Variants in BLNK observed in about 807,000 individuals in gnomAD.
BLNK encodes B-cell linker protein.
In BLNK, 29 loss-of-function variants were observed where a neutral mutation model predicts 73.5. The ratio of observed to expected loss-of-function variants is 0.39; its 90% confidence interval spans 0.29 to 0.54. The LOEUF is 0.54. Ranked by LOEUF, BLNK falls within the 20% of genes least tolerant of loss-of-function variation. The probability of loss-of-function intolerance (pLI) is 0.61; values close to 1 mark genes in which losing one functional copy is unlikely to be tolerated. For missense variants in BLNK, 460 were observed against 562.8 expected, an observed-to-expected ratio of 0.82 and a Z score of 1.85; for synonymous variants, 176 against 200.8, an observed-to-expected ratio of 0.88 and a Z score of 1.04.
At position 96,230,932 on chromosome 10, in the gene BLNK, T is replaced by C. The variant is rs1554903877; in HGVS notation, c.164-98A>G. On this transcript the variant is annotated intron_variant, in intron 3 of 16. Coordinates refer to ENST00000224337, the MANE Select transcript of BLNK (RefSeq NM_013314.4). ...ATTTCGCACCTGCCTTCCCTTCCCT[T>C]TGGGCTTTCTGGTGCCATATACTTG... The C allele has an allele frequency of 4.6e-6, 6 of 1,292,960 alleles. No individual in the cohort carries two copies. In the Admixed American group the frequency reaches 7.9e-5, roughly 17 times the overall value. The allele number at this position is 1,292,960 out of a possible 1,614,324, so 80.1% of individuals were successfully genotyped here. A position where few individuals can be genotyped will look rare whatever the true frequency, so the allele number is the denominator to read the frequency against.
intron 5 of BLNK, among the ~76,000 whole-genome samples, chr10:96,224,464 G>A (rs1250535886): frequency 6.6e-6 from 1 of 152,206 alleles, no homozygotes; most frequent in African/African-American, 2.4e-5. Context: ...GATTACTCAC[G>A]TGGATCAACT....
chr10:96,198,789 C>G (rs2083544351), intron 15 of BLNK, among the ~76,000 whole-genome samples: 1 of 152,220 alleles, frequency 6.6e-6, no homozygotes, highest in Non-Finnish European at 1.5e-5. Context: ...ACTTCCGCCT[C>G]CTAGGCCCAA....
chr10:96,245,998 A>G (rs1320518901), intron 2 of BLNK, among the ~76,000 whole-genome samples: 1 of 152,200 alleles, frequency 6.6e-6, no homozygotes, highest in Non-Finnish European at 1.5e-5. Context: ...TTTTATTTAA[A>G]AAATTTAAAG....
At chr10:96,269,490 T>C (rs1844174056) in intron 1 of BLNK, among the ~76,000 whole-genome samples, 1 of 151,816 alleles carries the variant, frequency 6.6e-6, no homozygotes, top group South Asian at 2.1e-4. Flanking sequence ...TTCTTTGCCA[T>C]GTCTTTCTGC....
chr10:96,199,886 TG>T (rs1564813200), intron 15 of BLNK, 188 bp downstream of exon 15: 1 of 316,384 alleles, frequency 3.2e-6, no homozygotes, highest in Non-Finnish European at 5.7e-6. Context: ...TAGCCGGGCT[TG>T]GGGGCACACA....
At chr10:96,199,407 C>A in intron 15 of BLNK, 1 of 372,522 alleles carries the variant, frequency 2.7e-6, no homozygotes, top group Non-Finnish European at 5.5e-6. Context: ...TAATCCTGCA[C>A]ATTGATCCAA....
intron 6 of BLNK, among the ~76,000 whole-genome samples, chr10:96,222,548 G>A (rs2084221987): frequency 6.6e-6 from 1 of 152,198 alleles, no homozygotes; most frequent in Non-Finnish European, 1.5e-5. Context: ...GCTAGGTGCT[G>A]AGACAGGGAA....
intron 3 of BLNK, among the ~76,000 whole-genome samples, chr10:96,232,317 CCG>C (rs1842530234): frequency 8.6e-6 from 1 of 116,814 alleles, no homozygotes; most frequent in South Asian, 4.3e-4. Context: ...TTGCTATTCC[CCG>C]CTGAGTAGCC....
chr10:96,230,186 A>G (rs1240150136), intron 4 of BLNK, among the ~76,000 whole-genome samples: 2 of 152,156 alleles, frequency 1.3e-5, no homozygotes, highest in East Asian at 3.9e-4. Context: ...CTGATACAAC[A>G]TCCCCAGTGT....
Position 96,227,390 on chromosome 10 carries a change from A to T in BLNK, c.361+20T>A, listed in dbSNP as rs781887946. The T allele has an allele frequency of 6.2e-7, 1 of 1,611,724 alleles. No homozygotes were observed. The highest frequency in any genetic ancestry group is 1.3e-5 in the African/African-American group (1 of 75,048). ...CATGGGCCTGGAAGGCCGAGTGCCC[A>T]GGTCTGCGGGGGACCTCACCTATAT... On this transcript the variant is annotated intron_variant, in intron 5 of 16. Transcript: ENST00000224337.
intron 1 of BLNK, among the ~76,000 whole-genome samples, chr10:96,260,496 A>G (rs1843706528): frequency 6.6e-6 from 1 of 152,222 alleles, no homozygotes; most frequent in African/African-American, 2.4e-5. Flanking sequence ...TGTCTTAAGA[A>G]TTTGAATATG....
intron 6 of BLNK, among the ~76,000 whole-genome samples, chr10:96,221,211 A>T (rs2084189919): frequency 2.6e-5 from 4 of 152,242 alleles, no homozygotes; most frequent in Non-Finnish European, 5.9e-5. Flanking sequence ...GATAATGCAT[A>T]CAAAGTGCTC....
rs1053941213 is a variant in BLNK, at chr10:96,200,234, C to T, written c.1012-76G>A. ...AATTTCTGTGTACTAGAAACAAAGA[C>T]CCATTTGCATTATCAAGACAGGCCT... On this transcript the variant is annotated intron_variant, in intron 14 of 16. Transcript: ENST00000224337. This position sits in a 1 kb window ranked among gnomAD's most constrained non-coding sequence, Gnocchi z 4.3. The T allele has an allele frequency of 3.6e-5, 44 of 1,215,794 alleles. No homozygotes were observed. In the Admixed American group the frequency reaches 7.3e-4, roughly 20 times the overall value. 75.3% of individuals were successfully genotyped at this position (1,215,794 alleles called of 1,614,324 possible).
rs587658469 is a variant in BLNK at position 96,243,205 on chromosome 10, GC to G, written c.114-422del. ...AACAGGAAAAAATCAGCTACAATAA[GC>G]GTTTTGGTTGTAGGTTGGGCTAAAA... On this transcript the variant is annotated intron_variant, in intron 2 of 16. Coordinates refer to ENST00000224337, the MANE Select transcript of BLNK (RefSeq NM_013314.4). 1.8e-3 allele frequency among the ~76,000 whole-genome samples: 268 copies of G among 152,256 alleles called. 1 individual carries two copies. The highest frequency in any genetic ancestry group is 6.1e-3 in the African/African-American group (253 of 41,526).
rs2084265327 is a variant in BLNK at position 96,224,102 on chromosome 10, A to G, written c.362-113T>C. ...ACCACGGGTGTCTATGTAGCCACAAATGATCCACGGGGCATTCCTTGAAAG... is the reference window on the plus strand; with the variant it reads ...ACCACGGGTGTCTATGTAGCCACAAGTGATCCACGGGGCATTCCTTGAAAG... On this transcript the variant is annotated intron_variant, in intron 5 of 16. Coordinates refer to ENST00000224337, the MANE Select transcript of BLNK (RefSeq NM_013314.4). The G allele has an allele frequency of 2.4e-6, 3 of 1,233,116 alleles. 1 individual carries two copies. Among genetic ancestry groups the G allele is most frequent in the Middle Eastern group, 5.4e-4 (2 of 3,698 alleles). 76.4% of individuals were successfully genotyped at this position (1,233,116 alleles called of 1,614,324 possible). A position where few individuals can be genotyped will look rare whatever the true frequency, so the allele number is the denominator to read the frequency against.
intron 3 of BLNK, among the ~76,000 whole-genome samples, chr10:96,241,959 A>G (rs1274710415): frequency 6.6e-6 from 1 of 152,090 alleles, no homozygotes; most frequent in African/African-American, 2.4e-5. Context: ...GGCTCAAGCA[A>G]TCTGCCTTCC....
At chr10:96,204,148 T>G (rs2133964116) in intron 12 of BLNK, 60 bp from the exon 13 acceptor site, 1 of 1,568,510 alleles carries the variant, frequency 6.4e-7, no homozygotes, top group South Asian at 1.1e-5. Context: ...AGTTTGACTT[T>G]TTGTTTACAC....
At chr10:96,260,143 T>C (rs1472481845) in intron 1 of BLNK, among the ~76,000 whole-genome samples, 1 of 152,120 alleles carries the variant, frequency 6.6e-6, no homozygotes, top group Non-Finnish European at 1.5e-5. Flanking sequence ...AAGGAAAACT[T>C]CCTCACAAAA....
intron 6 of BLNK, among the ~76,000 whole-genome samples, chr10:96,220,211 A>T (rs1355383921): frequency 1.3e-5 from 2 of 151,946 alleles, no homozygotes; most frequent in Non-Finnish European, 2.9e-5. Context: ...AGAGAGAGAG[A>T]TGCTCTCCTC....
Sources: allele counts gnomAD v4.1 joint callset (sites outside exome capture counted in the v4.1 genomes callset), GRCh38; gene constraint gnomAD v4.1.1; non-coding constraint Gnocchi (gnomAD v3.1); transcripts MANE v1.5; gene names NCBI Gene and HGNC (gene_info 2026-07-23, HGNC 2026-07-21).